Variants in ARHGEF26 observed in about 807,000 individuals in gnomAD.
The protein encoded by ARHGEF26 is Rho guanine nucleotide exchange factor (GEF) 26.
A neutral mutation model predicts 89.4 loss-of-function variants in ARHGEF26; 59 were observed. The observed-to-expected ratio is 0.66, with a 90% CI of 0.54 to 0.82. The LOEUF is 0.82. Among genes scored for constraint, ARHGEF26 ranks in the 40% least tolerant of loss-of-function variants. ARHGEF26 has a pLI of 0.00. For synonymous variants in ARHGEF26, 500 were observed against 428.4 expected (o/e 1.17, Z -2.06); for missense variants, 1,234 against 1,085.6 (o/e 1.14, Z -1.92).
intron 12 of ARHGEF26, among the ~76,000 whole-genome samples, chr3:154,242,264 C>T (rs1717519155): frequency 6.6e-6 from 1 of 152,162 alleles, no homozygotes. Flanking sequence ...TAAAAGCCTT[C>T]TGGAAAAGAT....
chr3:154,205,189 G>A (rs1035598282), intron 9 of ARHGEF26, among the ~76,000 whole-genome samples: 2 of 152,014 alleles, frequency 1.3e-5, no homozygotes, highest in African/African-American at 4.8e-5. Context: ...GTGTTCCAGT[G>A]TTGAGTTCAT....
In ARHGEF26 at chr3:154,239,299, AGT is replaced by A. The variant is rs142191516; in HGVS notation, c.2091-1030_2091-1029del. On this transcript the variant is annotated intron_variant, in intron 11 of 14. Coordinates refer to ENST00000465093, the MANE Select transcript of ARHGEF26 (RefSeq NM_015595.4). The stretch of plus-strand genomic sequence containing the variant: ...GAGAGAGAGAGAGAGAGAGAGAGAG[AGT>A]GTGTGTGTGTGTGTGTGTGTGTGTG... 6.3e-3 allele frequency among the ~76,000 whole-genome samples: 403 copies of A among 64,250 alleles called. 5 individuals are homozygous for A. Among genetic ancestry groups the A allele is most frequent in the Non-Finnish European group, 7.3e-3 (243 of 33,496 alleles). The allele number at this position is 64,250 out of a possible 152,430, so 42.2% of individuals were successfully genotyped here.
At chr3:154,226,696 C>CACACACACACACACA (rs3223632) in intron 11 of ARHGEF26, among the ~76,000 whole-genome samples, 2 of 145,590 alleles carry the variant, frequency 1.4e-5, no homozygotes, top group African/African-American at 5.0e-5. Flanking sequence ...CACACACACA[C>CACACACACACACACA]CCCTTCAGCT....
At chr3:154,240,132 G>A (rs1458154574) in intron 11 of ARHGEF26, among the ~76,000 whole-genome samples, 1 of 152,144 alleles carries the variant, frequency 6.6e-6, no homozygotes, top group East Asian at 1.9e-4. Context: ...CAATACTTGA[G>A]ATGCAATTTA....
At chr3:154,131,454 C>G (rs989637924) in intron 4 of ARHGEF26, among the ~76,000 whole-genome samples, 2 of 152,176 alleles carry the variant, frequency 1.3e-5, no homozygotes, top group Non-Finnish European at 2.9e-5. Flanking sequence ...TAAAAGCTAG[C>G]CACAGAATTG....
intron 11 of ARHGEF26, among the ~76,000 whole-genome samples, chr3:154,231,297 A>G (rs992712010): frequency 2.6e-5 from 4 of 152,154 alleles, no homozygotes; most frequent in African/African-American, 9.6e-5. Context: ...TTTCCCCTGC[A>G]TCTGTAAGGA....
At chr3:154,174,953 C>T (rs1712706462) in intron 6 of ARHGEF26, among the ~76,000 whole-genome samples, 1 of 152,006 alleles carries the variant, frequency 6.6e-6, no homozygotes, top group South Asian at 2.1e-4. Context: ...ATGATGGAGA[C>T]TATTTTTATG....
intron 9 of ARHGEF26, among the ~76,000 whole-genome samples, chr3:154,200,956 G>C (rs1320040668): frequency 2.6e-5 from 4 of 151,882 alleles, no homozygotes; most frequent in African/African-American, 7.3e-5. Flanking sequence ...CAACTTTACT[G>C]AATTTGTTTA....
intron 6 of ARHGEF26, among the ~76,000 whole-genome samples, chr3:154,162,088 G>A (rs1711701605): frequency 6.6e-6 from 1 of 152,100 alleles, no homozygotes; most frequent in African/African-American, 2.4e-5. Flanking sequence ...CTTAAACTAG[G>A]GTAGAATTTT....
chr3:154,130,400 C>A (rs1718615615), intron 4 of ARHGEF26, among the ~76,000 whole-genome samples: 1 of 152,128 alleles, frequency 6.6e-6, no homozygotes, highest in Admixed American at 6.5e-5. Context: ...CTCAGCCTCC[C>A]AAAGTGCTGG....
intron 6 of ARHGEF26, among the ~76,000 whole-genome samples, chr3:154,167,621 C>T (rs967165748): frequency 6.6e-6 from 1 of 152,152 alleles, no homozygotes; most frequent in South Asian, 2.1e-4. Flanking sequence ...CATTTCTGCA[C>T]TGTAGTTAAA....
At chr3:154,252,041 G>A (rs1030773594) in intron 12 of ARHGEF26, among the ~76,000 whole-genome samples, 4 of 152,152 alleles carry the variant, frequency 2.6e-5, no homozygotes, top group Non-Finnish European at 5.9e-5. Context: ...GTTCCAATGC[G>A]GTAAGTCATC....
intron 11 of ARHGEF26, 41 bp from the exon 12 acceptor site, chr3:154,240,329 C>T: frequency 6.7e-7 from 1 of 1,485,686 alleles, no homozygotes; most frequent in Non-Finnish European, 9.2e-7. Flanking sequence ...TCAGTCTTAT[C>T]TGCTGAATAA....
intron 6 of ARHGEF26, among the ~76,000 whole-genome samples, chr3:154,186,136 G>GACACACACAC (rs60675240): frequency 0.15 from 22,452 of 146,852 alleles, 1,831 homozygotes; most frequent in South Asian, 0.26. Context: ...CACACACTTA[G>GACACACACAC]ACACACACAC....
chr3:154,180,482 T>C (rs1046991671), intron 6 of ARHGEF26, among the ~76,000 whole-genome samples: 2 of 150,940 alleles, frequency 1.3e-5, no homozygotes, highest in Non-Finnish European at 2.9e-5. Context: ...CCACCACTTC[T>C]CAGTTGCTGA....
rs543110742 is a variant in ARHGEF26, at chr3:154,175,787, A to G, written c.1488-11898A>G. ...TTGTTTTGTTTTGTTTTGTTTTACA[A>G]AGAAGCCAGATGGTATTTATTTTGC... is the stretch of plus-strand genomic sequence containing the variant. On this transcript the variant is annotated intron_variant, in intron 6 of 14. Transcript: ENST00000465093. Among the ~76,000 whole-genome samples, 26 of 152,302 alleles carry G rather than the reference A, an allele frequency of 1.7e-4. No individual in the cohort carries two copies. In the East Asian group the frequency reaches 4.8e-3, roughly 28 times the overall value.
chr3:154,134,235 A>G (rs1471153345), intron 4 of ARHGEF26, among the ~76,000 whole-genome samples: 1 of 151,990 alleles, frequency 6.6e-6, no homozygotes, highest in Non-Finnish European at 1.5e-5. Flanking sequence ...CAGGACTTCC[A>G]GTACTATTGT....
intron 9 of ARHGEF26, among the ~76,000 whole-genome samples, chr3:154,199,651 T>C (rs999890115): frequency 1.3e-5 from 2 of 152,210 alleles, no homozygotes; most frequent in East Asian, 3.8e-4. Flanking sequence ...CTGTTCTCCA[T>C]AGTGGTTGTA....
At chr3:154,237,535 C>G (rs1015105360) in intron 11 of ARHGEF26, among the ~76,000 whole-genome samples, 1 of 132,072 alleles carries the variant, frequency 7.6e-6, no homozygotes, top group Admixed American at 8.2e-5. Context: ...GAGTGAGACT[C>G]CGTCACACAC....
Sources: gnomAD v4.1 joint callset for allele counts (sites outside exome capture counted in the v4.1 genomes callset) on GRCh38, gnomAD v4.1.1 for gene constraint, MANE v1.5 for transcripts, NCBI Gene and HGNC (gene_info 2026-07-23, HGNC 2026-07-21) for gene names.